TSGA10: variants seen among roughly 807,000 people sequenced by gnomAD.
The protein encoded by TSGA10 is testis-specific gene 10 protein.
A neutral mutation model predicts 96.6 loss-of-function variants in TSGA10; 43 were observed. The ratio of observed to expected loss-of-function variants is 0.44; its 90% CI spans 0.35 to 0.57. The LOEUF (loss-of-function observed/expected upper bound fraction) is 0.57. Ranked by LOEUF, TSGA10 falls within the 20% of genes least tolerant of loss-of-function variation. The probability of loss-of-function intolerance (pLI) is 0.01; values close to 1 mark genes in which losing one functional copy is unlikely to be tolerated. For synonymous variants in TSGA10, 229 were observed against 269.9 expected (o/e 0.85, Z 1.48); for missense variants, 703 against 834.4 (o/e 0.84, Z 1.94).
At chr2:99,145,757 G>A (rs1378677277) in intron 1 of TSGA10, among the ~76,000 whole-genome samples, 2 of 152,188 alleles carry the variant, frequency 1.3e-5, no homozygotes, top group Non-Finnish European at 2.9e-5. Context: ...CTGGGGACCA[G>A]ATATGTAGAT....
At position 99,026,709 on chromosome 2, in the gene TSGA10, C is replaced by T. The variant is rs545616591; in HGVS notation, c.1615-6227G>A. Among the ~76,000 whole-genome samples, 6 of 152,254 alleles carry T rather than the reference C, an allele frequency of 3.9e-5. No individual in the cohort carries two copies. The East Asian group carries it at 1.2e-3, about 29-fold the overall frequency. On this transcript the variant is annotated intron_variant, in intron 17 of 20. Coordinates refer to ENST00000393483, the MANE Select transcript of TSGA10 (RefSeq NM_025244.4). ...AAGTGCTGGGATTATAGGCATGAGC[C>T]ACCACGCCCGGCCCAAAGCAGCTCT...
At chr2:99,096,343 G>A (rs2090034746) in intron 10 of TSGA10, among the ~76,000 whole-genome samples, 1 of 152,180 alleles carries the variant, frequency 6.6e-6, no homozygotes, top group South Asian at 2.1e-4. Context: ...CAGCTTCCGT[G>A]TTTTACCCTT....
At chr2:99,077,813 C>T (rs898082115) in intron 12 of TSGA10, among the ~76,000 whole-genome samples, 5 of 151,888 alleles carry the variant, frequency 3.3e-5, no homozygotes, top group Non-Finnish European at 5.9e-5. Flanking sequence ...CCGCCCTCCT[C>T]GGCCTCCCAA....
intron 10 of TSGA10, among the ~76,000 whole-genome samples, chr2:99,081,636 T>C (rs909383835): frequency 2.6e-5 from 4 of 152,178 alleles, no homozygotes; most frequent in African/African-American, 9.7e-5. Flanking sequence ...ATACCTTCCT[T>C]AGGTCCCCTA....
At chr2:99,031,576 T>C (rs1163037454) in intron 17 of TSGA10, among the ~76,000 whole-genome samples, 1 of 152,076 alleles carries the variant, frequency 6.6e-6, no homozygotes, top group Non-Finnish European at 1.5e-5. Context: ...AGCCACATAC[T>C]TAGTGAAAGA....
intron 16 of TSGA10, among the ~76,000 whole-genome samples, chr2:99,056,802 T>C (rs940943560): frequency 7.4e-5 from 5 of 67,484 alleles, no homozygotes; most frequent in African/African-American, 2.9e-4. Context: ...CTCCTAGAAA[T>C]ACACAAAATC....
chr2:99,103,252 C>T (rs946492058), intron 10 of TSGA10, among the ~76,000 whole-genome samples: 11 of 152,092 alleles, frequency 7.2e-5, no homozygotes, highest in African/African-American at 2.2e-4. Flanking sequence ...GGTGGTTTGC[C>T]GCACAGATCA....
chr2:99,050,078 G>A (rs542606049), intron 16 of TSGA10, among the ~76,000 whole-genome samples: 2 of 152,164 alleles, frequency 1.3e-5, no homozygotes, highest in African/African-American at 4.8e-5. Context: ...AACGTGGGTG[G>A]GAGCAAAGCT....
intron 20 of TSGA10, among the ~76,000 whole-genome samples, chr2:99,013,983 ACT>A (rs1282045856): frequency 6.6e-6 from 1 of 151,958 alleles, no homozygotes; most frequent in East Asian, 2.0e-4. Context: ...TGAAACCCTG[ACT>A]CTACTAAAAA....
At chr2:99,095,273 T>A (rs1271283388) in intron 10 of TSGA10, among the ~76,000 whole-genome samples, 2 of 152,024 alleles carry the variant, frequency 1.3e-5, no homozygotes, top group African/African-American at 4.8e-5. Context: ...GGGTGAGGGA[T>A]AAAAGACTAT....
Position 99,108,815 on chromosome 2 carries a change from T to C in TSGA10, c.210+18A>G. 1 of 1,509,908 alleles carries C rather than the reference T, an allele frequency of 6.6e-7. No individual in the cohort carries two copies. The highest frequency in any genetic ancestry group is 1.4e-5 in the African/African-American group (1 of 71,014). 93.5% of individuals were successfully genotyped at this position (1,509,908 alleles called of 1,614,324 possible). A position where few individuals can be genotyped will look rare whatever the true frequency, so the allele number is the denominator to read the frequency against. On this transcript the variant is annotated intron_variant, in intron 7 of 20. Transcript: ENST00000393483. ...ACTCAATGTTATTACTTATATAATT[T>C]GTTTTTTGTAAGTTTACCTGTTCAT...
intron 13 of TSGA10, among the ~76,000 whole-genome samples, chr2:99,072,107 A>T (rs2086046390): frequency 6.6e-6 from 1 of 152,228 alleles, no homozygotes; most frequent in Non-Finnish European, 1.5e-5. Flanking sequence ...TGATTTGCCA[A>T]ATATTTCAAA....
intron 17 of TSGA10, among the ~76,000 whole-genome samples, chr2:99,030,113 G>C (rs2080998237): frequency 6.6e-6 from 1 of 152,198 alleles, no homozygotes. Context: ...TTGGGAGGCT[G>C]AGGCAGGCAG....
chr2:99,034,861 T>C (rs2081482380), intron 17 of TSGA10, among the ~76,000 whole-genome samples: 1 of 152,208 alleles, frequency 6.6e-6, no homozygotes, highest in Non-Finnish European at 1.5e-5. Context: ...TACAATCAAC[T>C]GAGTTACAGT....
chr2:99,061,254 A>C (rs2084656342), intron 16 of TSGA10, among the ~76,000 whole-genome samples: 1 of 152,188 alleles, frequency 6.6e-6, no homozygotes, highest in South Asian at 2.1e-4. Context: ...AAGAAGATAG[A>C]CTCATGACCA....
chr2:99,084,024 C>T (rs911080897), intron 10 of TSGA10, among the ~76,000 whole-genome samples: 5 of 152,030 alleles, frequency 3.3e-5, no homozygotes, highest in Admixed American at 2.0e-4. Context: ...AAGTGGGTGA[C>T]GGGAATACAT....
At chr2:99,016,437 A>C (rs919619856) in intron 20 of TSGA10, among the ~76,000 whole-genome samples, 3 of 152,194 alleles carry the variant, frequency 2.0e-5, no homozygotes, top group Admixed American at 1.3e-4. Flanking sequence ...ATAATTGGGA[A>C]GCCACATGTA....
At chr2:99,140,816 G>A (rs1364773858) in intron 1 of TSGA10, among the ~76,000 whole-genome samples, 1 of 152,028 alleles carries the variant, frequency 6.6e-6, no homozygotes, top group Non-Finnish European at 1.5e-5. Flanking sequence ...CAACCAAGCG[G>A]AGAGCTGCGG....
rs187897570 is a variant in TSGA10 at position 99,134,531 on chromosome 2, T to C, written c.-620-7355A>G. On this transcript the variant is annotated intron_variant, in intron 1 of 20. Coordinates refer to ENST00000393483, the MANE Select transcript of TSGA10 (RefSeq NM_025244.4). ...CTTGCATTGGGTTAGAACATGCTCC[T>C]ATAGCTCAGAGGAGCTTGTTATTAC... 1.8e-3 allele frequency among the ~76,000 whole-genome samples: 279 copies of C among 152,310 alleles called. 2 individuals are homozygous for C. Among genetic ancestry groups the C allele is most frequent in the Admixed American group, 6.0e-3 (92 of 15,306 alleles).
Sources: gnomAD v4.1 joint callset for allele counts (sites outside exome capture counted in the v4.1 genomes callset) on GRCh38, gnomAD v4.1.1 for gene constraint, MANE v1.5 for transcripts, NCBI Gene and HGNC (gene_info 2026-07-23, HGNC 2026-07-21) for gene names.